The following EML6 variants were observed in gnomAD, a reference collection of about 807,000 sequenced individuals.
EML6 encodes EMAP like 6.
In EML6, 154 loss-of-function variants were observed where a neutral mutation model predicts 240.1. The ratio of observed to expected loss-of-function variants is 0.64; its 90% CI spans 0.56 to 0.73. The LOEUF (loss-of-function observed/expected upper bound fraction) is 0.73. Among genes scored for constraint, EML6 ranks in the 30% least tolerant of loss-of-function variants. The pLI is 0.00. For synonymous variants in EML6, 1,148 were observed against 899.0 expected, an observed-to-expected ratio of 1.28 and a Z score of -4.95; for missense variants, 2,964 against 2,474.6, an observed-to-expected ratio of 1.20 and a Z score of -4.20.
chr2:54,925,259 C>T (rs1674481310), intron 26 of EML6, among the ~76,000 whole-genome samples: 1 of 152,146 alleles, frequency 6.6e-6, no homozygotes, highest in African/African-American at 2.4e-5. Context: ...GGAAGAGAGC[C>T]CGCACCAGGA....
chr2:54,754,714 G>A (rs1443894587), intron 2 of EML6, among the ~76,000 whole-genome samples: 1 of 152,054 alleles, frequency 6.6e-6, no homozygotes, highest in Non-Finnish European at 1.5e-5. Context: ...TTTACTTTAT[G>A]ATTAGTGCTG....
rs1191965842 is a variant in EML6, at chr2:54,853,872, T to C, written c.1657+17T>C. 1.0e-5 allele frequency: 15 copies of C among 1,506,094 alleles called. No individual in the cohort carries two copies. The highest frequency in any genetic ancestry group is 1.3e-5 in the Non-Finnish European group (14 of 1,106,658). 93.3% of individuals were successfully genotyped at this position (1,506,094 alleles called of 1,614,324 possible). A position where few individuals can be genotyped will look rare whatever the true frequency, so the allele number is the denominator to read the frequency against. On this transcript the variant is annotated intron_variant, in intron 11 of 41. Transcript: ENST00000356458. ...TCAAGAGAGGTAAGGCCAAAAGAGA[T>C]GTTTCATTGCATAAAGATTTACTCT...
At chr2:54,866,606 A>G (rs1670982948) in intron 13 of EML6, among the ~76,000 whole-genome samples, 160 bp from the exon 14 acceptor site, 1 of 152,210 alleles carries the variant, frequency 6.6e-6, no homozygotes, top group South Asian at 2.1e-4. Context: ...AGTTCATATT[A>G]GTTTTATTCA....
chr2:54,861,809 C>T (rs1670688269), intron 12 of EML6, among the ~76,000 whole-genome samples: 2 of 149,484 alleles, frequency 1.3e-5, no homozygotes, highest in Admixed American at 6.7e-5. Context: ...GAAACCAACA[C>T]ACAGTGTCAG....
intron 2 of EML6, among the ~76,000 whole-genome samples, chr2:54,746,521 A>G (rs753869875): frequency 3.9e-5 from 6 of 152,232 alleles, no homozygotes; most frequent in Non-Finnish European, 7.3e-5. Flanking sequence ...AAATAAAAAT[A>G]TAAAGAAGAG....
intron 28 of EML6, among the ~76,000 whole-genome samples, chr2:54,939,001 A>G (rs1473703041): frequency 6.6e-6 from 1 of 152,228 alleles, no homozygotes; most frequent in Non-Finnish European, 1.5e-5. Flanking sequence ...CTGTGAAAGC[A>G]AAATTTCTGT....
At chr2:54,765,094 T>G (rs1668130550) in intron 2 of EML6, among the ~76,000 whole-genome samples, 1 of 152,172 alleles carries the variant, frequency 6.6e-6, no homozygotes, top group Admixed American at 6.5e-5. Flanking sequence ...ATATATTTTC[T>G]GGATATCTTC....
intron 17 of EML6, among the ~76,000 whole-genome samples, chr2:54,884,354 C>G (rs1365093893): frequency 6.6e-6 from 1 of 152,178 alleles, no homozygotes; most frequent in Non-Finnish European, 1.5e-5. Context: ...AGAAGTTCTC[C>G]AAACCCTGTG....
In EML6 at chr2:54,948,952, C is replaced by T. The variant is rs1309820375; in HGVS notation, c.4075C>T (p.Leu1359=). Residue 1359 remains leucine (L), a synonymous_variant, in exon 29 of 42, where the codon CTG becomes TTG. Coordinates refer to ENST00000356458, the MANE Select transcript of EML6 (RefSeq NM_001039753.4). ...GAACAATATCACCAAAAAAAAGAAACTGGTTGAGGTGAGTTAAACAATCAC... is the reference window on the plus strand; with the variant it reads ...GAACAATATCACCAAAAAAAAGAAATTGGTTGAGGTGAGTTAAACAATCAC... ...QKNNITKKKK[L]VEELALDHVF... 6.5e-7 allele frequency: 1 copy of T among 1,549,860 alleles called. No individual in the cohort carries two copies. Among genetic ancestry groups the T allele is most frequent in the South Asian group, 1.2e-5 (1 of 84,030 alleles).
intron 2 of EML6, among the ~76,000 whole-genome samples, chr2:54,760,701 C>G (rs1420594171): frequency 1.3e-5 from 2 of 152,102 alleles, no homozygotes; most frequent in African/African-American, 4.8e-5. Context: ...CTATCTTTCC[C>G]TTATACAAAC....
chr2:54,848,284 G>A (rs546198442), intron 9 of EML6, among the ~76,000 whole-genome samples: 2 of 152,084 alleles, frequency 1.3e-5, no homozygotes, highest in African/African-American at 2.4e-5. Flanking sequence ...CACATGTTTT[G>A]TAATTATAGA....
chr2:54,898,713 C>T (rs1442938542), intron 21 of EML6, among the ~76,000 whole-genome samples: 1 of 152,188 alleles, frequency 6.6e-6, no homozygotes, highest in Non-Finnish European at 1.5e-5. Context: ...TTTCAGATGC[C>T]TGTGTGTGGG....
At chr2:54,856,084 G>A (rs576668946) in intron 11 of EML6, among the ~76,000 whole-genome samples, 6 of 152,344 alleles carry the variant, frequency 3.9e-5, no homozygotes, top group African/African-American at 1.4e-4. Context: ...CAGTTGCACA[G>A]TAATTAGACG....
intron 2 of EML6, among the ~76,000 whole-genome samples, chr2:54,810,646 AG>A (rs1667787947): frequency 6.6e-6 from 1 of 152,156 alleles, no homozygotes; most frequent in Non-Finnish European, 1.5e-5. Flanking sequence ...GTCCCTGGGT[AG>A]AACCTCTTGC....
chr2:54,725,270 G>A lies in EML6; in HGVS notation c.197+12G>A. 5 of 1,400,086 alleles carry A rather than the reference G, an allele frequency of 3.6e-6. No individual in the cohort carries two copies. The highest frequency in any genetic ancestry group is 4.7e-6 in the Non-Finnish European group (5 of 1,064,900). 86.7% of individuals were successfully genotyped at this position (1,400,086 alleles called of 1,614,324 possible). On this transcript the variant is annotated intron_variant, in intron 2 of 41. Transcript: ENST00000356458. The surrounding 1 kb of genome is among the most constrained non-coding windows in gnomAD (Gnocchi z 4.3). ...GACGACATTATCAGGTAAGGGGGTG[G>A]CCAGGGGCGGCGGGGAGGGGTTGCG...
At chr2:54,806,822 T>C (rs1440174169) in intron 2 of EML6, among the ~76,000 whole-genome samples, 3 of 152,036 alleles carry the variant, frequency 2.0e-5, no homozygotes, top group Non-Finnish European at 4.4e-5. Flanking sequence ...ACTGTTGTTA[T>C]TCCCATTCTT....
chr2:54,870,529 A>C (rs1671200581), intron 15 of EML6, among the ~76,000 whole-genome samples: 1 of 152,176 alleles, frequency 6.6e-6, no homozygotes, highest in Non-Finnish European at 1.5e-5. Context: ...CTCCAACTGA[A>C]AATTAGAGAC....
intron 7 of EML6, 83 bp from the exon 8 acceptor site, chr2:54,843,964 T>TTTTTTGTGTG (rs1553394555): frequency 3.0e-6 from 2 of 658,718 alleles, no homozygotes; most frequent in East Asian, 6.1e-5. Context: ...CTTTAGGGTT[T>TTTTTTGTGTG]TGTGTGTGTG....
At chr2:54,880,305 A>G (rs968634862) in intron 17 of EML6, 1 of 152,264 alleles carries the variant, frequency 6.6e-6, no homozygotes, top group African/African-American at 2.4e-5. Flanking sequence ...GCCAAGGCCC[A>G]GCAATACAAT....
Sources: gnomAD v4.1 joint callset for allele counts (sites outside exome capture counted in the v4.1 genomes callset) on GRCh38, gnomAD v4.1.1 for gene constraint, Gnocchi (gnomAD v3.1) non-coding constraint, MANE v1.5 for transcripts, NCBI Gene and HGNC (gene_info 2026-07-23, HGNC 2026-07-21) for gene names.